ULK1: variants seen among roughly 807,000 people sequenced by gnomAD.
ULK1 encodes the protein serine/threonine-protein kinase ULK1.
A neutral mutation model predicts 117.5 loss-of-function variants in ULK1; 48 were observed. That is an observed-to-expected ratio of 0.41 (90% CI 0.32 to 0.52). The LOEUF is 0.52. Ranked by LOEUF, ULK1 falls within the 20% of genes least tolerant of loss-of-function variation. ULK1 has a pLI of 0.29. For synonymous variants in ULK1, 790 were observed against 637.8 expected (o/e 1.24, Z -3.60); for missense variants, 1,387 against 1,473.4 (o/e 0.94, Z 0.96).
chr12:131,905,436 C>T (rs541572652), intron 3 of ULK1, among the ~76,000 whole-genome samples: 168 of 152,250 alleles, frequency 1.1e-3, no homozygotes, highest in Non-Finnish European at 2.2e-3. Context: ...GTTCCTCCTG[C>T]AGACCCCCTC....
chr12:131,909,953 C>T lies in ULK1; in HGVS notation c.760C>T (p.Leu254=). 1.2e-6 allele frequency: 2 copies of T among 1,612,070 alleles called. No homozygotes were observed. The highest frequency in any genetic ancestry group is 3.3e-5 in the Admixed American group (2 of 60,008). The part of the protein sequence containing the change: ...PRETSAPLRQ[L]LLALLQRNHK... ...GGAGACCTCGGCCCCGCTGCGGCAG[C>T]TGCTCCTGGCCCTACTGCAACGCAA... is the stretch of plus-strand genomic sequence containing the variant. The change falls in exon 10 of 28, where the codon CTG becomes TTG. Residue 254 remains leucine, a synonymous_variant. Transcript: ENST00000321867.
Position 131,921,147 on chromosome 12 carries a change from C to T in ULK1, c.3009C>T (p.Cys1003=), listed in dbSNP as rs149274203. 4.6e-5 allele frequency: 73 copies of T among 1,603,882 alleles called. No individual in the cohort carries two copies. The highest frequency in any genetic ancestry group is 1.7e-4 in the African/African-American group (13 of 74,918). ...LDEMFQHREG[C]VPRYHKALLL... Reference sequence around the variant, plus strand: ...AGATGTTCCAGCACCGTGAGGGCTGCGTCCCACGCTACCACAAGGCCCTGC... The same window carrying T: ...AGATGTTCCAGCACCGTGAGGGCTGTGTCCCACGCTACCACAAGGCCCTGC... Residue 1003 remains cysteine, a synonymous_variant, in exon 27 of 28, where the codon TGC becomes TGT. Coordinates refer to ENST00000321867, the MANE Select transcript of ULK1 (RefSeq NM_003565.4).
intron 20 of ULK1, 69 bp from the exon 21 acceptor site, chr12:131,916,884 G>C: frequency 7.3e-7 from 1 of 1,374,430 alleles, no homozygotes; most frequent in South Asian, 1.3e-5. Flanking sequence ...GGCCTGCAGA[G>C]GGACCTCTCG....
chr12:131,894,661 C>G lies in ULK1; in HGVS notation c.-341C>G, dbSNP rs1004371663. 6.6e-6 allele frequency: 1 copy of G among 151,344 alleles called. No homozygotes were observed. The highest frequency in any genetic ancestry group is 2.4e-5 in the African/African-American group (1 of 41,174). 9.4% of individuals were successfully genotyped at this position (151,344 alleles called of 1,614,324 possible). On this transcript the variant is annotated 5_prime_UTR_variant, in exon 1 of 28. Coordinates refer to ENST00000321867, the MANE Select transcript of ULK1 (RefSeq NM_003565.4). Reference sequence around the variant, plus strand: ...GGCGTCTCAGGCTCTGAGGCCCGGGCGCCGCGGCTCTTTTGTTTCTCCGTT... The same window carrying G: ...GGCGTCTCAGGCTCTGAGGCCCGGGGGCCGCGGCTCTTTTGTTTCTCCGTT...
chr12:131,910,962 G>T lies in ULK1; in HGVS notation c.948+162G>T, dbSNP rs542632724. Among the ~76,000 whole-genome samples the T allele has an allele frequency of 2.6e-5, 4 of 152,324 alleles. No individual in the cohort carries two copies. In the East Asian group the frequency reaches 7.7e-4, roughly 29 times the overall value. ...TGTCAGATGTTGAAGCCCCACAAAC[G>T]GGTGACAGCCCCTCCCAACACCCAC... On this transcript the variant is annotated intron_variant, in intron 12 of 27. Transcript: ENST00000321867.
At chr12:131,911,305 G>T (rs1889524277) in intron 12 of ULK1, among the ~76,000 whole-genome samples, 1 of 152,214 alleles carries the variant, frequency 6.6e-6, no homozygotes, top group African/African-American at 2.4e-5. Context: ...ATGAGTTCAT[G>T]TCTGGGCTCT....
chr12:131,923,146 T>G lies in ULK1; in HGVS notation c.*1785T>G, dbSNP rs571134640. 6.6e-6 allele frequency: 1 copy of G among 152,352 alleles called. No homozygotes were observed. The highest frequency in any genetic ancestry group is 1.5e-5 in the Non-Finnish European group (1 of 68,030). The allele number at this position is 152,352 out of a possible 1,614,324, so 9.4% of individuals were successfully genotyped here. A position where few individuals can be genotyped will look rare whatever the true frequency, so the allele number is the denominator to read the frequency against. On this transcript the variant is annotated 3_prime_UTR_variant, in exon 28 of 28. Coordinates refer to ENST00000321867, the MANE Select transcript of ULK1 (RefSeq NM_003565.4). ...AACGTAAGGAAATAAACCTTTGGAATTGTTGGGCTGGTGTCACCACTTGTC... is the reference window on the plus strand; with the variant it reads ...AACGTAAGGAAATAAACCTTTGGAAGTGTTGGGCTGGTGTCACCACTTGTC...
chr12:131,914,292 A>G (rs1166820727), intron 15 of ULK1, 60 bp from the exon 16 acceptor site: 4 of 1,582,578 alleles, frequency 2.5e-6, no homozygotes, highest in East Asian at 2.3e-5. Context: ...CCCCAGCTCC[A>G]TGACCTCAGC....
At chr12:131,919,106 G>C (rs1477640413) in intron 23 of ULK1, 106 bp from the exon 24 acceptor site, 1 of 1,345,956 alleles carries the variant, frequency 7.4e-7, no homozygotes, top group African/African-American at 1.5e-5. Context: ...CAGCAGGGGA[G>C]GGTACCCTGC....
intron 3 of ULK1, among the ~76,000 whole-genome samples, chr12:131,900,264 T>C (rs1440264106): frequency 1.3e-5 from 2 of 152,224 alleles, no homozygotes; most frequent in Non-Finnish European, 2.9e-5. Context: ...AGTAGCTTCT[T>C]TGTGATAGGT....
intron 3 of ULK1, among the ~76,000 whole-genome samples, chr12:131,898,722 G>C (rs1190395219): frequency 6.6e-6 from 1 of 151,676 alleles, no homozygotes; most frequent in East Asian, 2.0e-4. Flanking sequence ...GCCTGGTCTC[G>C]AACTGACCTC....
chr12:131,912,323 C>T (rs374212200), intron 13 of ULK1, among the ~76,000 whole-genome samples: 2 of 152,324 alleles, frequency 1.3e-5, no homozygotes, highest in African/African-American at 4.8e-5. Context: ...GGCCATAGGC[C>T]TGGTCTCCTT....
rs754479000 is a variant in ULK1 at position 131,908,917 on chromosome 12, G to A, written c.510G>A (p.Arg170=). ...CCGCAGCTGACTTCGGCTTCGCGCG[G>A]TACCTCCAGAGCAACATGATGGCGG... ...RVKIADFGFA[R]YLQSNMMAAT... The change falls in exon 7 of 28, where the codon CGG becomes CGA. Residue 170 remains arginine (R), a synonymous_variant. Transcript: ENST00000321867. 3.1e-6 allele frequency: 5 copies of A among 1,611,658 alleles called. No individual in the cohort carries two copies. In the African/African-American group the frequency reaches 6.7e-5, roughly 22 times the overall value.
In ULK1 at chr12:131,906,437, A is replaced by T. The variant is rs187746893; in HGVS notation, c.247-455A>T. ...CGGGGTTTCACCATGTTGGCCAGGC[A>T]GGTCTCAAACTGCTGACCTTGTGAT... On this transcript the variant is annotated intron_variant, in intron 3 of 27. Transcript: ENST00000321867. 65 of 163,612 alleles carry T rather than the reference A, an allele frequency of 4.0e-4. 1 individual carries two copies. In the East Asian group the frequency reaches 5.5e-3, roughly 14 times the overall value. 10.1% of individuals were successfully genotyped at this position (163,612 alleles called of 1,614,324 possible).
intron 23 of ULK1, among the ~76,000 whole-genome samples, 171 bp downstream of exon 23, chr12:131,918,852 G>GGGGTGTAGGGTA (rs1566129099): frequency 1.5e-4 from 20 of 130,624 alleles, no homozygotes; most frequent in South Asian, 2.8e-4. Flanking sequence ...TGTCGGGTGT[G>GGGGTGTAGGGTA]TGGGGTGTCG....
Position 131,894,870 on chromosome 12 carries a change from G to T in ULK1, c.-132G>T. On this transcript the variant is annotated 5_prime_UTR_variant, in exon 1 of 28. Transcript: ENST00000321867. ...GCCCGATGGGGCGCGCGGCCCCGGA[G>T]ATGCGCCCTCGCCCGGCCCCGCGCC... 1 of 193,122 alleles carries T rather than the reference G, an allele frequency of 5.2e-6. No homozygotes were observed. The highest frequency in any genetic ancestry group is 1.6e-4 in the South Asian group (1 of 6,074). The allele number at this position is 193,122 out of a possible 1,614,324, so 12.0% of individuals were successfully genotyped here. A position where few individuals can be genotyped will look rare whatever the true frequency, so the allele number is the denominator to read the frequency against.
intron 3 of ULK1, 90 bp from the exon 4 acceptor site, chr12:131,906,802 C>A (rs1889294529): frequency 6.4e-7 from 1 of 1,557,386 alleles, no homozygotes; most frequent in Non-Finnish European, 8.8e-7. Flanking sequence ...ACTGCAGGGC[C>A]TGCCCAGGCC....
chr12:131,918,411 C>T lies in ULK1; in HGVS notation c.2327-86C>T, dbSNP rs769777963. 38 of 1,471,024 alleles carry T rather than the reference C, an allele frequency of 2.6e-5. 1 individual carries two copies. In the Admixed American group the frequency reaches 8.1e-4, roughly 31 times the overall value. The allele number at this position is 1,471,024 out of a possible 1,614,324, so 91.1% of individuals were successfully genotyped here. On this transcript the variant is annotated intron_variant, in intron 22 of 27. Coordinates refer to ENST00000321867, the MANE Select transcript of ULK1 (RefSeq NM_003565.4). Reference sequence around the variant, plus strand: ...AACCGAGGCAGAGGCACATTGGGCCCTGGAGGTGTGGGAGTCTGTGGGGGA... The same window carrying T: ...AACCGAGGCAGAGGCACATTGGGCCTTGGAGGTGTGGGAGTCTGTGGGGGA...
intron 25 of ULK1, 63 bp downstream of exon 25, chr12:131,919,653 C>G (rs565193335): frequency 6.5e-7 from 1 of 1,546,990 alleles, no homozygotes; most frequent in Non-Finnish European, 8.8e-7. Flanking sequence ...TTGCAACTGC[C>G]TGGGTGACAG....
Sources: allele counts gnomAD v4.1 joint callset (sites outside exome capture counted in the v4.1 genomes callset), GRCh38; gene constraint gnomAD v4.1.1; transcripts MANE v1.5; gene names NCBI Gene and HGNC (gene_info 2026-07-23, HGNC 2026-07-21).